Variants in ST6GALNAC3 observed in about 807,000 individuals in gnomAD.
ST6GALNAC3 encodes alpha-N-acetylgalactosaminide alpha-2,6-sialyltransferase 3.
ST6GALNAC3 carries 25 observed loss-of-function variants against 32.7 expected under a neutral mutation model. The ratio of observed to expected loss-of-function variants is 0.76; its 90% CI spans 0.56 to 1.07. The LOEUF is 1.07. Among genes scored for constraint, ST6GALNAC3 ranks in the 50% least tolerant of loss-of-function variants. The pLI, the probability that ST6GALNAC3 is intolerant of heterozygous loss-of-function variation, is 0.00. For synonymous variants in ST6GALNAC3, 129 were observed against 133.1 expected (o/e 0.97, Z 0.21); for missense variants, 355 against 382.4 (o/e 0.93, Z 0.60).
At chr1:76,292,731 A>C (rs1660168592) in intron 1 of ST6GALNAC3, among the ~76,000 whole-genome samples, 1 of 152,194 alleles carries the variant, frequency 6.6e-6, no homozygotes. Flanking sequence ...TCACCGTAGC[A>C]TGTTTATTAC....
chr1:76,129,155 CA>C (rs762400850), intron 1 of ST6GALNAC3, among the ~76,000 whole-genome samples: 44 of 152,216 alleles, frequency 2.9e-4, no homozygotes, highest in Non-Finnish European at 4.0e-4. Context: ...CTGATGCTAC[CA>C]GGGGGATTTT....
intron 2 of ST6GALNAC3, among the ~76,000 whole-genome samples, chr1:76,395,006 T>TA (rs59416119): frequency 0.29 from 44,041 of 152,144 alleles, 7,711 homozygotes; most frequent in East Asian, 0.6. Context: ...ATTAGCATTT[T>TA]ATGGCAATTG....
chr1:76,603,438 A>G (rs560559836), intron 3 of ST6GALNAC3, among the ~76,000 whole-genome samples: 4 of 152,336 alleles, frequency 2.6e-5, no homozygotes, highest in Admixed American at 2.6e-4. Flanking sequence ...GATCTCACAA[A>G]CAAAATATTG....
rs1035093197 is a variant in ST6GALNAC3, at chr1:76,255,526, G to C, written c.19-58279G>C. On this transcript the variant is annotated intron_variant, in intron 1 of 4. Transcript: ENST00000328299. ...TCTTGCAGAGGTTGCAGATGGCCCT[G>C]TAAGGCTGAATTCAGCCCTTGCGTA... Among the ~76,000 whole-genome samples the C allele has an allele frequency of 1.3e-5, 2 of 152,116 alleles. 1 individual carries two copies. Among genetic ancestry groups the C allele is most frequent in the Non-Finnish European group, 2.9e-5 (2 of 67,998 alleles).
chr1:76,443,455 C>T lies in ST6GALNAC3; in HGVS notation c.623+31038C>T, dbSNP rs115990262. On this transcript the variant is annotated intron_variant, in intron 3 of 4. Transcript: ENST00000328299. ...TCCTACTCGGCCTTAAGAGTGAGGA[C>T]GCTATCGGTTCATTCAGCCCAGAGC... Among the ~76,000 whole-genome samples the T allele has an allele frequency of 9.3e-3, 1,417 of 152,278 alleles. 17 individuals carry two copies. The highest frequency in any genetic ancestry group is 0.024 in the African/African-American group (984 of 41,544).
intron 3 of ST6GALNAC3, among the ~76,000 whole-genome samples, chr1:76,417,365 A>G (rs1654721398): frequency 6.6e-6 from 1 of 152,078 alleles, no homozygotes. Context: ...TAAAGGTTTT[A>G]TATTCAAAAC....
chr1:76,612,125 T>G (rs1647977341), intron 3 of ST6GALNAC3, among the ~76,000 whole-genome samples: 3 of 152,234 alleles, frequency 2.0e-5, no homozygotes, highest in African/African-American at 7.2e-5. Context: ...CCCCTTTCCC[T>G]GCCTCCCCTT....
intron 1 of ST6GALNAC3, among the ~76,000 whole-genome samples, chr1:76,240,593 A>T (rs531496375): frequency 6.6e-6 from 1 of 152,300 alleles, no homozygotes; most frequent in African/African-American, 2.4e-5. Context: ...CTGTGTTCTT[A>T]TCTTCCTTCC....
intron 3 of ST6GALNAC3, among the ~76,000 whole-genome samples, chr1:76,486,238 G>A (rs569805699): frequency 2.6e-4 from 40 of 152,280 alleles, no homozygotes; most frequent in Middle Eastern, 3.4e-3. Context: ...TGTCTATTAG[G>A]TCTGCTTGGT....
intron 2 of ST6GALNAC3, among the ~76,000 whole-genome samples, chr1:76,329,545 A>G (rs1647146817): frequency 6.6e-6 from 1 of 152,178 alleles, no homozygotes; most frequent in Non-Finnish European, 1.5e-5. Flanking sequence ...CCATCTCTAC[A>G]TGTAGAAAAA....
In ST6GALNAC3 at chr1:76,633,625, C is replaced by T. The variant is rs549913202; in HGVS notation, c.*4819C>T. The T allele has an allele frequency of 1.3e-5, 2 of 152,180 alleles. No homozygotes were observed. The highest frequency in any genetic ancestry group is 2.1e-4 in the South Asian group (1 of 4,834). 9.4% of individuals were successfully genotyped at this position (152,180 alleles called of 1,614,324 possible). A position where few individuals can be genotyped will look rare whatever the true frequency, so the allele number is the denominator to read the frequency against. The stretch of plus-strand genomic sequence containing the variant: ...TCCCCAGAGCTAAAATGTCCTCATA[C>T]TCAAACCAACTGTGCTGCCCAAGTT... On this transcript the variant is annotated 3_prime_UTR_variant, in exon 5 of 5. Transcript: ENST00000328299.
chr1:76,299,572 A>C (rs536974180), intron 1 of ST6GALNAC3, among the ~76,000 whole-genome samples: 1 of 152,020 alleles, frequency 6.6e-6, no homozygotes, highest in African/African-American at 2.4e-5. Flanking sequence ...GCTGGGATAC[A>C]TTGAGTGTCT....
chr1:76,379,856 A>G lies in ST6GALNAC3; in HGVS notation c.214-32152A>G, dbSNP rs190642364. 8.5e-5 allele frequency among the ~76,000 whole-genome samples: 13 copies of G among 152,226 alleles called. No homozygotes were observed. In the East Asian group the frequency reaches 2.5e-3, roughly 29 times the overall value. On this transcript the variant is annotated intron_variant, in intron 2 of 4. Coordinates refer to ENST00000328299, the MANE Select transcript of ST6GALNAC3 (RefSeq NM_152996.4). ...AACAAGCCTCACAGAGCACACAAGA[A>G]ATTTCTGAAGAGAAGTTTCCCAGGC...
intron 2 of ST6GALNAC3, among the ~76,000 whole-genome samples, chr1:76,377,002 T>A (rs1315430687): frequency 6.6e-6 from 1 of 152,176 alleles, no homozygotes; most frequent in Admixed American, 6.5e-5. Context: ...TTTGGGCTAC[T>A]TTGTCTTACC....
intron 1 of ST6GALNAC3, among the ~76,000 whole-genome samples, chr1:76,308,786 G>T (rs753097292): frequency 6.6e-6 from 1 of 152,140 alleles, no homozygotes; most frequent in Non-Finnish European, 1.5e-5. Flanking sequence ...TTTTAGAATT[G>T]CAAAACATTG....
At chr1:76,610,536 A>G (rs1647856264) in intron 3 of ST6GALNAC3, among the ~76,000 whole-genome samples, 1 of 152,188 alleles carries the variant, frequency 6.6e-6, no homozygotes. Flanking sequence ...GTGGGGTGAC[A>G]AGTATGAAGG....
At chr1:76,228,406 A>C (rs768707026) in intron 1 of ST6GALNAC3, among the ~76,000 whole-genome samples, 86 of 152,176 alleles carry the variant, frequency 5.7e-4, no homozygotes, top group Non-Finnish European at 9.6e-4. Context: ...TTTTCCTTAA[A>C]TACTTGCATT....
chr1:76,625,589 C>T (rs1648918940), intron 3 of ST6GALNAC3, among the ~76,000 whole-genome samples: 1 of 151,854 alleles, frequency 6.6e-6, no homozygotes. Context: ...ACTCTTGCCT[C>T]TTCTGATCTC....
intron 3 of ST6GALNAC3, among the ~76,000 whole-genome samples, chr1:76,502,086 T>A (rs1661209627): frequency 6.6e-6 from 1 of 152,236 alleles, no homozygotes; most frequent in Non-Finnish European, 1.5e-5. Context: ...GGAAAAAAAA[T>A]ATCTTTCTCA....
Sources: allele counts gnomAD v4.1 joint callset (sites outside exome capture counted in the v4.1 genomes callset), GRCh38; gene constraint gnomAD v4.1.1; transcripts MANE v1.5; gene names NCBI Gene and HGNC (gene_info 2026-07-23, HGNC 2026-07-21).